Variants in PLA2G10 observed in about 807,000 individuals in gnomAD.
PLA2G10 encodes the protein phospholipase A2 group X, also known as group 10 secretory phospholipase A2.
A neutral mutation model predicts 7.9 loss-of-function variants in PLA2G10; 9 were observed. That is an observed-to-expected ratio of 1.14 (90% CI 0.68 to 1.98). The LOEUF is 1.98. PLA2G10 is among the 30% of genes most tolerant of loss of function. The probability of loss-of-function intolerance (pLI) is 0.00; values close to 1 mark genes in which losing one functional copy is unlikely to be tolerated. For missense variants in PLA2G10, 53 were observed against 65.4 expected (o/e 0.81, Z 0.66); for synonymous variants, 19 against 27.5 (o/e 0.69, Z 0.97).
intron 3 of PLA2G10, among the ~76,000 whole-genome samples, chr16:14,681,145 C>G (rs1180463729): frequency 6.8e-6 from 1 of 146,664 alleles, no homozygotes; most frequent in Non-Finnish European, 1.5e-5. Context: ...GCCTGGGCAA[C>G]AGAGTGAGAC....
chr16:14,677,599 T>G (rs1960757226), intron 3 of PLA2G10, among the ~76,000 whole-genome samples: 1 of 152,162 alleles, frequency 6.6e-6, no homozygotes, highest in Non-Finnish European at 1.5e-5. Flanking sequence ...TCTCTTGACC[T>G]CGTGATCTGC....
At chr16:14,680,763 T>A (rs1400179399) in intron 3 of PLA2G10, among the ~76,000 whole-genome samples, 1 of 152,126 alleles carries the variant, frequency 6.6e-6, no homozygotes, top group African/African-American at 2.4e-5. Flanking sequence ...ACACACTACT[T>A]CCCTGTCTCC....
intron 2 of PLA2G10, among the ~76,000 whole-genome samples, chr16:14,688,489 A>G (rs1961168114): frequency 2.1e-5 from 1 of 47,784 alleles, no homozygotes; most frequent in Non-Finnish European, 4.4e-5. Flanking sequence ...CCTGGGCTCA[A>G]GCGATCCTCC....
chr16:14,672,632 T>C lies in PLA2G10; in HGVS notation c.473A>G (p.Glu158Gly). Reference protein sequence around the residue: ...KYLFYPQFLCEPDSPKCD With the variant: ...KYLFYPQFLCGPDSPKCD Reference sequence around the variant, plus strand: ...TCAGTCACACTTGGGCGAGTCCGGCTCACATAGGAACTGGGGGTAGAAGAG... The same window carrying C: ...TCAGTCACACTTGGGCGAGTCCGGCCCACATAGGAACTGGGGGTAGAAGAG... Residue 158 changes from glutamate (E) to glycine (G), a missense_variant, in exon 4 of 4, where the codon GAG becomes GGG. Around this residue, in one of 2 missense-constraint regions of PLA2G10, gnomAD observed 48 missense variants for 47.0 expected, o/e 1.02. Coordinates refer to ENST00000438167, the MANE Select transcript of PLA2G10 (RefSeq NM_003561.3). 1 of 1,614,108 alleles carries C rather than the reference T, an allele frequency of 6.2e-7. No individual in the cohort carries two copies. The highest frequency in any genetic ancestry group is 8.5e-7 in the Non-Finnish European group (1 of 1,179,978).
At chr16:14,676,316 T>C (rs190875999) in intron 3 of PLA2G10, among the ~76,000 whole-genome samples, 6 of 152,324 alleles carry the variant, frequency 3.9e-5, no homozygotes, top group Non-Finnish European at 8.8e-5. Context: ...GCGCATTTGT[T>C]TATCACAGCA....
chr16:14,678,816 C>T (rs979685134), intron 3 of PLA2G10: 4 of 320,232 alleles, frequency 1.2e-5, no homozygotes, highest in Admixed American at 1.1e-4. Flanking sequence ...GCTCAAAACC[C>T]TCCTTGGCTC....
intron 3 of PLA2G10, among the ~76,000 whole-genome samples, chr16:14,677,925 G>C (rs1266515253): frequency 6.6e-6 from 1 of 152,100 alleles, no homozygotes. Flanking sequence ...ATGGATGATG[G>C]ATGGATGGAT....
At chr16:14,674,398 A>C (rs988934784) in intron 3 of PLA2G10, among the ~76,000 whole-genome samples, 1 of 152,130 alleles carries the variant, frequency 6.6e-6, no homozygotes, top group Non-Finnish European at 1.5e-5. Context: ...TAAAATTTAC[A>C]TGGAACTAAA....
At chr16:14,701,562 A>AAAATAAAT in the PLA2G10 span, among the ~76,000 whole-genome samples, 1 of 1,882 alleles carries the variant, frequency 5.3e-4, no homozygotes, top group African/African-American at 1.2e-3. Flanking sequence ...CTCTGTCTCA[A>AAAATAAAT]AAATAAATAA....
chr16:14,684,061 T>A (rs1960974341), intron 3 of PLA2G10, among the ~76,000 whole-genome samples: 1 of 152,042 alleles, frequency 6.6e-6, no homozygotes, highest in East Asian at 1.9e-4. Flanking sequence ...AACTTATCTC[T>A]ACAAAAAGTT....
At chr16:14,673,822 C>A (rs1375732405) in intron 3 of PLA2G10, among the ~76,000 whole-genome samples, 1 of 152,068 alleles carries the variant, frequency 6.6e-6, no homozygotes, top group Non-Finnish European at 1.5e-5. Flanking sequence ...CCCCCAAGAG[C>A]TGGAACAAGA....
intron 3 of PLA2G10, among the ~76,000 whole-genome samples, chr16:14,679,641 CA>C (rs1397974786): frequency 7.3e-6 from 1 of 137,036 alleles, no homozygotes; most frequent in African/African-American, 2.9e-5. Flanking sequence ...GCCTGGGCAA[CA>C]AGAGCAAGAC....
Position 14,684,136 on chromosome 16 carries a change from G to A in PLA2G10, c.355+4029C>T, listed in dbSNP as rs574170260. 3.3e-5 allele frequency among the ~76,000 whole-genome samples: 5 copies of A among 151,630 alleles called. No homozygotes were observed. The South Asian group carries it at 8.4e-4, about 25-fold the overall frequency. On this transcript the variant is annotated intron_variant, in intron 3 of 3. Coordinates refer to ENST00000438167, the MANE Select transcript of PLA2G10 (RefSeq NM_003561.3). ...AGCACTTTGGGAGGCCAAGGCAGAT[G>A]GATCATGAGGTCAGGAGTTCGAGAC...
chr16:14,673,131 T>G (rs1960637787), intron 3 of PLA2G10, among the ~76,000 whole-genome samples: 2 of 143,100 alleles, frequency 1.4e-5, no homozygotes, highest in Admixed American at 1.4e-4. Flanking sequence ...GTGATTCTCC[T>G]GCCTCAGCAT....
At chr16:14,677,394 G>A (rs886868929) in intron 3 of PLA2G10, among the ~76,000 whole-genome samples, 2 of 152,006 alleles carry the variant, frequency 1.3e-5, no homozygotes, top group African/African-American at 4.8e-5. Flanking sequence ...TTGAGACGGA[G>A]TTTCACTCTG....
intron 3 of PLA2G10, among the ~76,000 whole-genome samples, chr16:14,687,044 G>A (rs542631609): frequency 6.6e-6 from 1 of 151,606 alleles, no homozygotes; most frequent in East Asian, 2.0e-4. Context: ...AGAGGTGGAG[G>A]TTGCAGTAAG....
At position 14,684,253 on chromosome 16, in the gene PLA2G10, C is replaced by T. The variant is rs116643003; in HGVS notation, c.355+3912G>A. ...GTGCATGCCTGAGACAGGAGAATAGCTTGAGTTCAGGAGGCGGAGGCTGAA... is the reference window on the plus strand; with the variant it reads ...GTGCATGCCTGAGACAGGAGAATAGTTTGAGTTCAGGAGGCGGAGGCTGAA... On this transcript the variant is annotated intron_variant, in intron 3 of 3. Coordinates refer to ENST00000438167, the MANE Select transcript of PLA2G10 (RefSeq NM_003561.3). 8.3e-3 allele frequency among the ~76,000 whole-genome samples: 1,157 copies of T among 140,162 alleles called. 20 individuals are homozygous for T. Among genetic ancestry groups the T allele is most frequent in the African/African-American group, 0.029 (1,088 of 37,884 alleles). The allele number at this position is 140,162 out of a possible 152,430, so 92.0% of individuals were successfully genotyped here.
At position 14,672,760 on chromosome 16, in the gene PLA2G10, T is replaced by A; in HGVS notation, c.356-11A>T. ...TGTTCTCTGCCGGTCCTGGAAGAAG[T>A]GGGGAAACTGAGATTAGAGCAGGGA... On this transcript the variant is annotated splice_polypyrimidine_tract_variant and intron_variant, in intron 3 of 3. Transcript: ENST00000438167. 2 of 1,613,482 alleles carry A rather than the reference T, an allele frequency of 1.2e-6. No individual in the cohort carries two copies. Among genetic ancestry groups the A allele is most frequent in the Non-Finnish European group, 1.7e-6 (2 of 1,179,728 alleles).
intron 3 of PLA2G10, among the ~76,000 whole-genome samples, chr16:14,682,103 G>T (rs1222420144): frequency 2.0e-5 from 3 of 151,970 alleles, no homozygotes; most frequent in Non-Finnish European, 4.4e-5. Flanking sequence ...AAAGTGCTGG[G>T]ATTATAGGTA....
Sources: gnomAD v4.1 joint callset for allele counts (sites outside exome capture counted in the v4.1 genomes callset) on GRCh38, gnomAD v4.1.1 for gene constraint, gnomAD v4.1.1 regional missense constraint, MANE v1.5 for transcripts, NCBI Gene and HGNC (gene_info 2026-07-23, HGNC 2026-07-21) for gene names.